APPL2: variants seen among roughly 807,000 people sequenced by gnomAD.
The protein encoded by APPL2 is adaptor protein, phosphotyrosine interacting with PH domain and leucine zipper 2, also known as DCC-interacting protein 13-beta.
APPL2 carries 84 observed loss-of-function variants against 92.7 expected under a neutral mutation model. The ratio of observed to expected loss-of-function variants is 0.91; its 90% CI spans 0.76 to 1.09. The LOEUF is 1.09. Ranked by LOEUF, APPL2 falls within the 50% of genes least tolerant of loss-of-function variation. The pLI, the probability that APPL2 is intolerant of heterozygous loss-of-function variation, is 0.00. For missense variants in APPL2, 736 were observed against 824.5 expected (o/e 0.89, Z 1.31); for synonymous variants, 291 against 291.0 (o/e 1.00, Z 0.00).
At chr12:105,215,294 G>C (rs1379068580) in intron 4 of APPL2, among the ~76,000 whole-genome samples, 1 of 152,208 alleles carries the variant, frequency 6.6e-6, no homozygotes, top group Non-Finnish European at 1.5e-5. Flanking sequence ...AGATATGTCA[G>C]AATTGAGTTA....
chr12:105,174,876 T>TGGGGGGGGGGG (rs59473626), intron 20 of APPL2, among the ~76,000 whole-genome samples: 1 of 89,004 alleles, frequency 1.1e-5, no homozygotes, highest in Non-Finnish European at 2.3e-5. Flanking sequence ...TTTTTTTTGG[T>TGGGGGGGGGGG]GGGGGGGGGG....
intron 4 of APPL2, among the ~76,000 whole-genome samples, chr12:105,212,245 A>G (rs1311700740): frequency 2.0e-5 from 3 of 152,062 alleles, no homozygotes; most frequent in African/African-American, 7.2e-5. Flanking sequence ...TCACCAGATG[A>G]TTTTAACAGC....
chr12:105,225,603 A>C (rs1890434832), intron 2 of APPL2, among the ~76,000 whole-genome samples: 1 of 152,238 alleles, frequency 6.6e-6, no homozygotes, highest in Non-Finnish European at 1.5e-5. Context: ...AGACTGTTCT[A>C]AGTAACCAGG....
intron 3 of APPL2, among the ~76,000 whole-genome samples, chr12:105,217,409 T>C (rs889690664): frequency 3.9e-5 from 6 of 152,224 alleles, no homozygotes; most frequent in Admixed American, 6.5e-5. Flanking sequence ...ATTGCTAATG[T>C]TGATTCACTT....
intron 17 of APPL2, among the ~76,000 whole-genome samples, chr12:105,181,669 T>G (rs1330029432): frequency 9.8e-5 from 15 of 152,350 alleles, no homozygotes; most frequent in Non-Finnish European, 1.5e-5. Context: ...GGGATTCAAC[T>G]TCTTCCTGGT....
chr12:105,192,555 C>G (rs76744672), intron 14 of APPL2, among the ~76,000 whole-genome samples: 2,263 of 151,484 alleles, frequency 0.015, 23 homozygotes, highest in Non-Finnish European at 0.024. Flanking sequence ...CTTCTCTGTC[C>G]TGTTACCTCC....
intron 10 of APPL2, among the ~76,000 whole-genome samples, chr12:105,198,919 A>G (rs958207097): frequency 5.3e-5 from 8 of 152,214 alleles, no homozygotes; most frequent in Non-Finnish European, 1.0e-4. Flanking sequence ...ACGGACACTT[A>G]AAGACCTGAG....
chr12:105,227,321 C>T (rs1890587010), intron 2 of APPL2, among the ~76,000 whole-genome samples: 1 of 152,120 alleles, frequency 6.6e-6, no homozygotes, highest in Admixed American at 6.5e-5. Flanking sequence ...ACACTTATAC[C>T]TTACTGCATA....
intron 2 of APPL2, among the ~76,000 whole-genome samples, chr12:105,226,796 C>G (rs527561594): frequency 6.6e-6 from 1 of 152,274 alleles, no homozygotes; most frequent in Non-Finnish European, 1.5e-5. Context: ...TCTCTAAATT[C>G]TGAATGTCTT....
intron 1 of APPL2, chr12:105,233,520 T>G (rs1302962103): frequency 2.2e-6 from 1 of 458,878 alleles, no homozygotes; most frequent in Non-Finnish European, 2.9e-6. Flanking sequence ...AAAGCTTTGG[T>G]GTTCATTTAA....
chr12:105,186,458 T>C (rs992025305), intron 17 of APPL2, among the ~76,000 whole-genome samples: 3 of 152,062 alleles, frequency 2.0e-5, no homozygotes, highest in African/African-American at 4.8e-5. Flanking sequence ...GTATAAGTTT[T>C]TGTTTGAACA....
At position 105,188,142 on chromosome 12, in the gene APPL2, G is replaced by A; in HGVS notation, c.1634+131C>T. 5 of 1,014,854 alleles carry A rather than the reference G, an allele frequency of 4.9e-6. No individual in the cohort carries two copies. The South Asian group carries it at 8.3e-5, about 17-fold the overall frequency. 62.9% of individuals were successfully genotyped at this position (1,014,854 alleles called of 1,614,324 possible). On this transcript the variant is annotated intron_variant, in intron 17 of 20. Transcript: ENST00000258530. ...GCACTTTCTAGGCTATCTATCTTAT[G>A]TAAAAAGTAGTGGGGGCAAAAGCAA...
In APPL2 at chr12:105,204,673, C is replaced by A. The variant is rs772435967; in HGVS notation, c.622-888G>T. Among the ~76,000 whole-genome samples the A allele has an allele frequency of 1.1e-3, 168 of 152,162 alleles. 1 individual carries two copies. The highest frequency in any genetic ancestry group is 1.4e-3 in the Non-Finnish European group (92 of 68,026). ...ATCATTAATTTGTTAAATCAGCACTCTGCATTTCTAATGGCACAATGTCAT... is the reference window on the plus strand; with the variant it reads ...ATCATTAATTTGTTAAATCAGCACTATGCATTTCTAATGGCACAATGTCAT... On this transcript the variant is annotated intron_variant, in intron 8 of 20. Coordinates refer to ENST00000258530, the MANE Select transcript of APPL2 (RefSeq NM_018171.5).
Position 105,217,711 on chromosome 12 carries a change from C to A in APPL2, c.168G>T (p.Leu56=). The change falls in exon 3 of 21, where the codon CTG becomes CTT. Residue 56 remains leucine (L), a synonymous_variant. Coordinates refer to ENST00000258530, the MANE Select transcript of APPL2 (RefSeq NM_018171.5). ...RVYGAQNEMC[L]ATQQLSKQLL... is the part of the protein sequence containing the mutation. ...GTTGCTTAGAAAGCTGTTGTGTGGC[C>A]AGGCACATCTCATTCTGTGGAGAGA... 6.2e-7 allele frequency: 1 copy of A among 1,613,850 alleles called. No individual in the cohort carries two copies. Among genetic ancestry groups the A allele is most frequent in the East Asian group, 2.2e-5 (1 of 44,886 alleles).
intron 1 of APPL2, chr12:105,229,772 TTTTC>T (rs199673315): frequency 0.18 from 173,732 of 985,650 alleles, 16,365 homozygotes; most frequent in Non-Finnish European, 0.19. Context: ...CCTTGTTTCT[TTTTC>T]TTTCTTTCTT....
intron 17 of APPL2, among the ~76,000 whole-genome samples, chr12:105,184,864 T>C (rs1034390714): frequency 7.9e-5 from 12 of 152,158 alleles, no homozygotes; most frequent in Non-Finnish European, 1.5e-4. Flanking sequence ...CAGCCACCCC[T>C]TCCCCCAGGT....
intron 1 of APPL2, among the ~76,000 whole-genome samples, chr12:105,232,532 A>T (rs1566105753): frequency 6.6e-6 from 1 of 152,210 alleles, no homozygotes; most frequent in Non-Finnish European, 1.5e-5. Flanking sequence ...TGGGAGGCCA[A>T]GACAGGAAGA....
chr12:105,203,598 CTG>C, intron 9 of APPL2, 103 bp downstream of exon 9: 1 of 1,012,760 alleles, frequency 9.9e-7, no homozygotes, highest in East Asian at 2.4e-5. Context: ...GACAGAGGCT[CTG>C]TGCGACCCTC....
intron 18 of APPL2, 75 bp downstream of exon 18, chr12:105,177,151 C>G: frequency 6.3e-7 from 1 of 1,598,628 alleles, no homozygotes; most frequent in Non-Finnish European, 8.6e-7. Flanking sequence ...AATAAAGTGC[C>G]TAGGCTGTGT....
Sources: allele counts gnomAD v4.1 joint callset (sites outside exome capture counted in the v4.1 genomes callset), GRCh38; gene constraint gnomAD v4.1.1; transcripts MANE v1.5; gene names NCBI Gene and HGNC (gene_info 2026-07-23, HGNC 2026-07-21).